Variants in TMEM132C observed in about 807,000 individuals in gnomAD.
TMEM132C encodes protein phosphatase 1, regulatory subunit 152.
Under a neutral mutation model 61.4 loss-of-function variants are expected in TMEM132C, and 29 were observed. The observed-to-expected ratio is 0.47, with a 90% CI of 0.35 to 0.64. The LOEUF is 0.64. Among genes scored for constraint, TMEM132C ranks in the 30% least tolerant of loss-of-function variants. The pLI is 0.00. For missense variants in TMEM132C, 1,408 were observed against 1,476.9 expected (o/e 0.95, Z 0.76); for synonymous variants, 656 against 633.1 (o/e 1.04, Z -0.54).
At chr12:128,579,421 A>G (rs1334569692) in intron 3 of TMEM132C, among the ~76,000 whole-genome samples, 1 of 152,212 alleles carries the variant, frequency 6.6e-6, no homozygotes, top group Non-Finnish European at 1.5e-5. Context: ...GTGTTGGGGC[A>G]AGGAGAACAT....
intron 1 of TMEM132C, among the ~76,000 whole-genome samples, chr12:128,311,928 T>C (rs1871982067): frequency 6.6e-6 from 1 of 152,232 alleles, no homozygotes; most frequent in Non-Finnish European, 1.5e-5. Flanking sequence ...AGCTGAGTCA[T>C]ATCCTCTGCT....
intron 2 of TMEM132C, among the ~76,000 whole-genome samples, chr12:128,499,527 G>T (rs572839798): frequency 1.3e-5 from 2 of 152,166 alleles, no homozygotes; most frequent in African/African-American, 2.4e-5. Flanking sequence ...CCTGTATTTT[G>T]TACCCATTAA....
At chr12:128,656,709 C>G (rs79672575) in intron 4 of TMEM132C, among the ~76,000 whole-genome samples, 2,763 of 152,256 alleles carry the variant, frequency 0.018, 86 homozygotes, top group African/African-American at 0.064. Flanking sequence ...GGCCCAGGCA[C>G]CACACTTTGA....
At chr12:128,268,591 C>CGCG (rs1870398927) in intron 1 of TMEM132C, among the ~76,000 whole-genome samples, 1 of 152,100 alleles carries the variant, frequency 6.6e-6, no homozygotes, top group South Asian at 2.1e-4. Context: ...CGCGCGGCGC[C>CGCG]GCGGGTCCAG....
chr12:128,501,009 A>C (rs1427207544), intron 2 of TMEM132C, among the ~76,000 whole-genome samples: 2 of 152,250 alleles, frequency 1.3e-5, no homozygotes, highest in Admixed American at 1.3e-4. Flanking sequence ...CAGCCATAAA[A>C]ATAATAAAGC....
chr12:128,704,978 G>A, intron 8 of TMEM132C, 112 bp from the exon 9 acceptor site: 1 of 1,187,558 alleles, frequency 8.4e-7, no homozygotes, highest in South Asian at 1.7e-5. Flanking sequence ...ATGAGCTACT[G>A]GGTCTGGATT....
intron 3 of TMEM132C, among the ~76,000 whole-genome samples, chr12:128,557,308 G>A (rs1010901089): frequency 6.6e-6 from 1 of 152,134 alleles, no homozygotes; most frequent in Non-Finnish European, 1.5e-5. Flanking sequence ...TCTGACATGT[G>A]GTCCCCAGTC....
chr12:128,279,665 A>T (rs1054228312), intron 1 of TMEM132C, among the ~76,000 whole-genome samples: 2 of 152,092 alleles, frequency 1.3e-5, no homozygotes, highest in Non-Finnish European at 2.9e-5. Context: ...ACTTCTAGAT[A>T]CCCTCATGAC....
intron 1 of TMEM132C, among the ~76,000 whole-genome samples, chr12:128,359,551 T>G (rs560291152): frequency 6.6e-6 from 1 of 152,324 alleles, no homozygotes; most frequent in Non-Finnish European, 1.5e-5. Flanking sequence ...TTTCCACTTG[T>G]TATTTGGTAT....
Position 128,457,305 on chromosome 12 carries a change from TA to T in TMEM132C, c.974+41702del, listed in dbSNP as rs578230110. On this transcript the variant is annotated intron_variant, in intron 2 of 8. Coordinates refer to ENST00000435159, the MANE Select transcript of TMEM132C (RefSeq NM_001136103.3). The stretch of plus-strand genomic sequence containing the variant: ...ATCAAAATTTGAGATTCTCCATCTG[TA>T]AAAAAAAAAAAAAAAACAGCGCTTT... Among the ~76,000 whole-genome samples, 582 of 120,808 alleles carry T rather than the reference TA, an allele frequency of 4.8e-3. 1 individual carries two copies. Among genetic ancestry groups the T allele is most frequent in the African/African-American group, 8.1e-3 (274 of 33,658 alleles). The allele number at this position is 120,808 out of a possible 152,430, so 79.3% of individuals were successfully genotyped here.
At chr12:128,275,812 A>G (rs1191716516) in intron 1 of TMEM132C, among the ~76,000 whole-genome samples, 1 of 152,222 alleles carries the variant, frequency 6.6e-6, no homozygotes, top group African/African-American at 2.4e-5. Context: ...AGCTTAATGT[A>G]ACAAAAATTG....
intron 5 of TMEM132C, 81 bp from the exon 6 acceptor site, chr12:128,693,748 G>A (rs1954736367): frequency 6.8e-7 from 1 of 1,464,088 alleles, no homozygotes; most frequent in Non-Finnish European, 9.3e-7. Flanking sequence ...TGCTTTGCAA[G>A]ATAATAGGAA....
chr12:128,613,842 G>A (rs548643508), intron 3 of TMEM132C, among the ~76,000 whole-genome samples: 2 of 152,348 alleles, frequency 1.3e-5, no homozygotes, highest in East Asian at 3.9e-4. Flanking sequence ...CCCCAGCAAA[G>A]GAAAGTGTTT....
chr12:128,293,853 C>CA (rs1240211272), intron 1 of TMEM132C, among the ~76,000 whole-genome samples: 3 of 152,138 alleles, frequency 2.0e-5, no homozygotes, highest in African/African-American at 7.2e-5. Flanking sequence ...CCATGCTTTT[C>CA]AAAAGCACAA....
chr12:128,410,372 T>TACAC (rs3044036), intron 1 of TMEM132C, among the ~76,000 whole-genome samples: 4 of 151,558 alleles, frequency 2.6e-5, no homozygotes, highest in Admixed American at 6.6e-5. Context: ...TGAATATATA[T>TACAC]ACACACACAC....
intron 3 of TMEM132C, among the ~76,000 whole-genome samples, chr12:128,560,821 T>G (rs1321525285): frequency 6.6e-6 from 1 of 152,226 alleles, no homozygotes; most frequent in East Asian, 1.9e-4. Flanking sequence ...TGTCTCTAGT[T>G]TACAGATGAA....
chr12:128,548,002 C>A (rs1323475498), intron 3 of TMEM132C, among the ~76,000 whole-genome samples: 3 of 151,980 alleles, frequency 2.0e-5, no homozygotes, highest in Non-Finnish European at 2.9e-5. Flanking sequence ...TGACCACTCA[C>A]CCCTATTGAT....
At position 128,438,476 on chromosome 12, in the gene TMEM132C, A is replaced by G. The variant is rs112276995; in HGVS notation, c.974+22856A>G. ...AGCCTGAGGTCCTCACCAGATTCAG[A>G]TGCCCAATCCTGAACTTTCCAGTCA... On this transcript the variant is annotated intron_variant, in intron 2 of 8. Transcript: ENST00000435159. Among the ~76,000 whole-genome samples, 433 of 152,298 alleles carry G rather than the reference A, an allele frequency of 2.8e-3. 6 individuals carry two copies. The highest frequency in any genetic ancestry group is 9.8e-3 in the African/African-American group (406 of 41,576).
At chr12:128,662,589 A>G (rs1954402762) in intron 4 of TMEM132C, among the ~76,000 whole-genome samples, 1 of 152,176 alleles carries the variant, frequency 6.6e-6, no homozygotes, top group Non-Finnish European at 1.5e-5. Context: ...TGTATGGGCT[A>G]TGTCCCCAGA....
Sources: allele counts gnomAD v4.1 joint callset (sites outside exome capture counted in the v4.1 genomes callset), GRCh38; gene constraint gnomAD v4.1.1; transcripts MANE v1.5; gene names NCBI Gene and HGNC (gene_info 2026-07-23, HGNC 2026-07-21).